RAB8B: variants seen among roughly 807,000 people sequenced by gnomAD.
RAB8B encodes the protein ras-related protein Rab-8B.
RAB8B carries 11 observed loss-of-function variants against 32.0 expected under a neutral mutation model. The observed-to-expected ratio is 0.34, with a 90% confidence interval of 0.22 to 0.57. RAB8B has a LOEUF of 0.57. Ranked by LOEUF, RAB8B falls within the 20% of genes least tolerant of loss-of-function variation. RAB8B has a pLI of 0.86. For synonymous variants in RAB8B, 103 were observed against 89.6 expected (o/e 1.15, Z -0.85); for missense variants, 190 against 258.5 (o/e 0.73, Z 1.82).
At chr15:63,233,055 C>CTTTTTTTTTTTTTTTTTTTTTTTTT (rs752891283) in intron 1 of RAB8B, among the ~76,000 whole-genome samples, 1 of 141,516 alleles carries the variant, frequency 7.1e-6, no homozygotes. Context: ...AAGTAGCATT[C>CTTTTTTTTTTTTTTTTTTTTTTTTT]TTTTTTTTTT....
intron 1 of RAB8B, among the ~76,000 whole-genome samples, chr15:63,221,017 A>G (rs775311341): frequency 6.6e-6 from 1 of 152,202 alleles, no homozygotes; most frequent in Non-Finnish European, 1.5e-5. Flanking sequence ...GTAGGAGTTT[A>G]GGGTAGAGAG....
At chr15:63,250,777 A>G (rs987897867) in intron 3 of RAB8B, among the ~76,000 whole-genome samples, 4 of 149,686 alleles carry the variant, frequency 2.7e-5, no homozygotes, top group Non-Finnish European at 5.9e-5. Context: ...GATGAAATCT[A>G]GTATGCTCAG....
chr15:63,263,042 C>T (rs1485792790), intron 7 of RAB8B, among the ~76,000 whole-genome samples: 1 of 152,148 alleles, frequency 6.6e-6, no homozygotes, highest in Non-Finnish European at 1.5e-5. Flanking sequence ...TTTCATGTGA[C>T]AGGTATTTAT....
chr15:63,259,550 A>T lies in RAB8B; in HGVS notation c.415-77A>T. 1 of 1,345,324 alleles carries T rather than the reference A, an allele frequency of 7.4e-7. No homozygotes were observed. The highest frequency in any genetic ancestry group is 1.0e-6 in the Non-Finnish European group (1 of 952,840). 83.3% of individuals were successfully genotyped at this position (1,345,324 alleles called of 1,614,324 possible). On this transcript the variant is annotated intron_variant, in intron 5 of 7. Transcript: ENST00000321437. This position sits in a 1 kb window ranked among gnomAD's most constrained non-coding sequence, Gnocchi z 4.4. Reference sequence around the variant, plus strand: ...TAGATACCCTACCTTTGAGACTTTGAAAAACCTAAGAAATACAAATGCATT... The same window carrying T: ...TAGATACCCTACCTTTGAGACTTTGTAAAACCTAAGAAATACAAATGCATT...
intron 1 of RAB8B, among the ~76,000 whole-genome samples, chr15:63,200,322 T>G (rs958851887): frequency 6.6e-6 from 1 of 152,240 alleles, no homozygotes; most frequent in Non-Finnish European, 1.5e-5. Flanking sequence ...GGCTAAAATC[T>G]TTGTTGTACT....
intron 1 of RAB8B, among the ~76,000 whole-genome samples, chr15:63,219,580 G>A (rs189681634): frequency 4.1e-4 from 63 of 151,964 alleles, no homozygotes; most frequent in Admixed American, 3.7e-3. Flanking sequence ...TAAAACTTTT[G>A]TTTCAGTTAT....
At chr15:63,215,243 A>G (rs1373850670) in intron 1 of RAB8B, among the ~76,000 whole-genome samples, 2 of 152,176 alleles carry the variant, frequency 1.3e-5, no homozygotes, top group Non-Finnish European at 2.9e-5. Flanking sequence ...GAGTACTTTC[A>G]TATTAGATCT....
intron 1 of RAB8B, among the ~76,000 whole-genome samples, chr15:63,194,435 C>T (rs778856439): frequency 3.3e-5 from 5 of 152,116 alleles, no homozygotes; most frequent in South Asian, 2.1e-4. Flanking sequence ...TTTGATTAGC[C>T]GAGTCTGTTC....
chr15:63,253,559 G>A (rs1414599518), intron 3 of RAB8B, among the ~76,000 whole-genome samples: 10 of 152,180 alleles, frequency 6.6e-5, no homozygotes, highest in Admixed American at 6.5e-5. Context: ...GCTCATGCCC[G>A]TAATCTCAGC....
rs181266335 is a variant in RAB8B, at chr15:63,256,420, A to G, written c.325-85A>G. 1.1e-4 allele frequency: 100 copies of G among 921,012 alleles called. No homozygotes were observed. In the East Asian group the frequency reaches 2.6e-3, roughly 24 times the overall value. 57.1% of individuals were successfully genotyped at this position (921,012 alleles called of 1,614,324 possible). ...TAAAAGATTATGTCTTATTAAATTC[A>G]TGTGTTTCTGACAGGTTGGATTTGT... On this transcript the variant is annotated intron_variant, in intron 4 of 7. Coordinates refer to ENST00000321437, the MANE Select transcript of RAB8B (RefSeq NM_016530.3).
chr15:63,204,777 T>G (rs1366857052), intron 1 of RAB8B, among the ~76,000 whole-genome samples: 1 of 152,232 alleles, frequency 6.6e-6, no homozygotes, highest in Non-Finnish European at 1.5e-5. Context: ...TTCTTTTTCA[T>G]CTTTAAACTG....
At chr15:63,205,581 A>G (rs1407999032) in intron 1 of RAB8B, among the ~76,000 whole-genome samples, 1 of 152,200 alleles carries the variant, frequency 6.6e-6, no homozygotes, top group Non-Finnish European at 1.5e-5. Context: ...AAGGCAGTGT[A>G]AGGAGGATAG....
At chr15:63,211,111 G>A (rs2141115893) in intron 1 of RAB8B, among the ~76,000 whole-genome samples, 1 of 152,356 alleles carries the variant, frequency 6.6e-6, no homozygotes, top group Non-Finnish European at 1.5e-5. Flanking sequence ...GGTTTGAGAT[G>A]TGCGTCTTAT....
intron 1 of RAB8B, among the ~76,000 whole-genome samples, chr15:63,194,842 A>G (rs1466790186): frequency 6.6e-6 from 1 of 152,264 alleles, no homozygotes; most frequent in African/African-American, 2.4e-5. Flanking sequence ...AAATAAAGCA[A>G]TATGCAAAAG....
intron 1 of RAB8B, among the ~76,000 whole-genome samples, chr15:63,198,005 T>C (rs1377526671): frequency 6.6e-6 from 1 of 152,176 alleles, no homozygotes; most frequent in Non-Finnish European, 1.5e-5. Flanking sequence ...TTATTAGATA[T>C]AGTATGTCTG....
intron 1 of RAB8B, among the ~76,000 whole-genome samples, chr15:63,201,643 C>T (rs2037651598): frequency 6.6e-6 from 1 of 152,156 alleles, no homozygotes; most frequent in Non-Finnish European, 1.5e-5. Flanking sequence ...TTTGCCCATT[C>T]CCTTCACTTG....
intron 1 of RAB8B, among the ~76,000 whole-genome samples, chr15:63,239,005 G>A (rs1488109677): frequency 6.6e-6 from 1 of 152,174 alleles, no homozygotes; most frequent in Non-Finnish European, 1.5e-5. Flanking sequence ...TTGTGGTCAG[G>A]AACTGCTATC....
rs763767278 is a variant in RAB8B, at chr15:63,189,630, G to A, written c.6G>A (p.Ala2=). 1.2e-6 allele frequency: 2 copies of A among 1,613,746 alleles called. No homozygotes were observed. Among genetic ancestry groups the A allele is most frequent in the Non-Finnish European group, 1.7e-6 (2 of 1,179,836 alleles). M[A]KTYDYLFKLL... ...CAGAGGGCCGGAGCGAGAAGATGGC[G>A]AAGACGTACGATTATCTCTTCAAGC... The change falls in exon 1 of 8, where the codon GCG becomes GCA. Residue 2 remains alanine, a synonymous_variant. Coordinates refer to ENST00000321437, the MANE Select transcript of RAB8B (RefSeq NM_016530.3).
intron 1 of RAB8B, among the ~76,000 whole-genome samples, chr15:63,210,694 C>T (rs1313160337): frequency 6.6e-6 from 1 of 152,156 alleles, no homozygotes; most frequent in Non-Finnish European, 1.5e-5. Context: ...GAAGTATGTG[C>T]CGTGGCCTCC....
Sources: gnomAD v4.1 joint callset for allele counts (sites outside exome capture counted in the v4.1 genomes callset) on GRCh38, gnomAD v4.1.1 for gene constraint, Gnocchi (gnomAD v3.1) non-coding constraint, MANE v1.5 for transcripts, NCBI Gene and HGNC (gene_info 2026-07-23, HGNC 2026-07-21) for gene names.